ERG: variants seen among roughly 807,000 people sequenced by gnomAD.
The protein encoded by ERG is transcriptional regulator ERG.
A neutral mutation model predicts 55.3 loss-of-function variants in ERG; 9 were observed. The observed-to-expected ratio is 0.16, with a 90% CI of 0.10 to 0.28. The LOEUF (loss-of-function observed/expected upper bound fraction) is 0.28. ERG is among the 10% of genes least tolerant of loss of function. The pLI is 1.00. For synonymous variants in ERG, 223 were observed against 237.3 expected (o/e 0.94, Z 0.55); for missense variants, 434 against 631.6 (o/e 0.69, Z 3.35).
chr21:38,652,711 G>C (rs927319185), intron 1 of ERG, among the ~76,000 whole-genome samples: 1 of 152,208 alleles, frequency 6.6e-6, no homozygotes, highest in Non-Finnish European at 1.5e-5. Flanking sequence ...GTGATAGCAA[G>C]CATGCCCAAG....
upstream of ERG, among the ~76,000 whole-genome samples, chr21:38,587,997 T>C (rs2060076784): frequency 6.6e-6 from 1 of 152,180 alleles, no homozygotes; most frequent in Admixed American, 6.5e-5. Flanking sequence ...GTTATTAATA[T>C]TTCATTTATC....
chr21:38,626,715 G>T (rs1358857287), intron 1 of ERG, among the ~76,000 whole-genome samples: 2 of 152,148 alleles, frequency 1.3e-5, no homozygotes. Context: ...AAAATTTATA[G>T]TTTAACATTA....
At chr21:38,444,548 T>C (rs774682885) in intron 2 of ERG, among the ~76,000 whole-genome samples, 3 of 152,202 alleles carry the variant, frequency 2.0e-5, no homozygotes, top group African/African-American at 4.8e-5. Context: ...TATTAGATCA[T>C]AATTGAAATT....
chr21:38,411,758 T>A (rs1393109767), intron 3 of ERG, among the ~76,000 whole-genome samples: 1 of 152,242 alleles, frequency 6.6e-6, no homozygotes, highest in Non-Finnish European at 1.5e-5. Flanking sequence ...TGGTAAGGTG[T>A]ATTTAATTTT....
At chr21:38,496,091 T>C (rs1240274515) in intron 1 of ERG, among the ~76,000 whole-genome samples, 1 of 152,204 alleles carries the variant, frequency 6.6e-6, no homozygotes, top group Non-Finnish European at 1.5e-5. Flanking sequence ...AAACATTTTG[T>C]TCCCAATTTC....
At chr21:38,507,149 G>A (rs1329354006) in intron 2 of ERG, among the ~76,000 whole-genome samples, 1 of 152,166 alleles carries the variant, frequency 6.6e-6, no homozygotes, top group Non-Finnish European at 1.5e-5. Context: ...TGCTAATGAT[G>A]AGCTGGCTTA....
chr21:38,497,733 T>C (rs1365045114), intron 1 of ERG, among the ~76,000 whole-genome samples: 1 of 152,204 alleles, frequency 6.6e-6, no homozygotes. Context: ...GGAAGAAATC[T>C]TACTCACAGT....
intron 1 of ERG, among the ~76,000 whole-genome samples, chr21:38,480,596 T>TG (rs2059229642): frequency 9.0e-6 from 1 of 111,602 alleles, no homozygotes; most frequent in African/African-American, 2.9e-5. Context: ...ATGGCCTTTT[T>TG]TTTTTTTTTT....
chr21:38,552,703 A>G (rs1259405066), intron 2 of ERG, among the ~76,000 whole-genome samples: 2 of 114,488 alleles, frequency 1.7e-5, no homozygotes, highest in South Asian at 2.6e-4. Flanking sequence ...ACAGCCATCT[A>G]TGACAAACCC....
At chr21:38,606,155 G>A (rs184301566) in intron 1 of ERG, among the ~76,000 whole-genome samples, 3 of 152,262 alleles carry the variant, frequency 2.0e-5, no homozygotes, top group Admixed American at 1.3e-4. Context: ...TGGAAGACAG[G>A]AAAGTAGGTA....
At chr21:38,572,875 A>G (rs2059967661) in intron 2 of ERG, among the ~76,000 whole-genome samples, 1 of 152,224 alleles carries the variant, frequency 6.6e-6, no homozygotes, top group Non-Finnish European at 1.5e-5. Context: ...AAAGAAAGAG[A>G]GATCTGACTG....
At chr21:38,593,405 A>C (rs1392717641) in intron 1 of ERG, among the ~76,000 whole-genome samples, 1 of 152,380 alleles carries the variant, frequency 6.6e-6, no homozygotes, top group Non-Finnish European at 1.5e-5. Context: ...ACAAGAGCAG[A>C]CAACTGAAAA....
intron 2 of ERG, among the ~76,000 whole-genome samples, chr21:38,570,978 G>C (rs1263934955): frequency 6.6e-6 from 1 of 152,180 alleles, no homozygotes; most frequent in Non-Finnish European, 1.5e-5. Flanking sequence ...AAATATTATA[G>C]AGACAGAACT....
Position 38,382,275 on chromosome 21 carries a change from G to A in ERG, c.*1128C>T, listed in dbSNP as rs577677230. 9.2e-5 allele frequency: 97 copies of A among 1,051,364 alleles called. No individual in the cohort carries two copies. The highest frequency in any genetic ancestry group is 1.1e-4 in the Non-Finnish European group (93 of 870,254). The allele number at this position is 1,051,364 out of a possible 1,614,324, so 65.1% of individuals were successfully genotyped here. ...ACTTGTATACTTCATTCTGACAAAC[G>A]CACAGCGTTCGCGACTCAAAGGAAA... On this transcript the variant is annotated 3_prime_UTR_variant, in exon 10 of 10. Coordinates refer to ENST00000288319, the MANE Select transcript of ERG (RefSeq NM_182918.4).
chr21:38,443,900 G>A (rs984605050), intron 2 of ERG, among the ~76,000 whole-genome samples: 2 of 152,204 alleles, frequency 1.3e-5, no homozygotes, highest in Non-Finnish European at 2.9e-5. Flanking sequence ...AGATGGGCCT[G>A]CCTCGAGTTC....
chr21:38,556,859 T>C (rs2059861671), intron 2 of ERG, among the ~76,000 whole-genome samples: 1 of 152,146 alleles, frequency 6.6e-6, no homozygotes, highest in Admixed American at 6.5e-5. Context: ...AAATAAACTT[T>C]GTTTAGACCA....
intron 3 of ERG, among the ~76,000 whole-genome samples, chr21:38,420,539 G>A (rs527454733): frequency 2.6e-5 from 4 of 152,290 alleles, no homozygotes; most frequent in Non-Finnish European, 4.4e-5. Context: ...CTTACTATAA[G>A]CCAATTTGCA....
At chr21:38,656,100 A>T (rs1341566113) in intron 1 of ERG, among the ~76,000 whole-genome samples, 2 of 152,152 alleles carry the variant, frequency 1.3e-5, no homozygotes, top group East Asian at 3.9e-4. Flanking sequence ...CTGTGGAAGA[A>T]AGAGAGGAAT....
At chr21:38,575,384 G>C (rs1215287306) in intron 2 of ERG, among the ~76,000 whole-genome samples, 2 of 152,186 alleles carry the variant, frequency 1.3e-5, no homozygotes, top group African/African-American at 4.8e-5. Context: ...TGCCATTATG[G>C]AGTGAAGGCA....
Sources: allele counts gnomAD v4.1 joint callset (sites outside exome capture counted in the v4.1 genomes callset), GRCh38; gene constraint gnomAD v4.1.1; transcripts MANE v1.5; gene names NCBI Gene and HGNC (gene_info 2026-07-23, HGNC 2026-07-21).